The following CIMIP3 variants were observed in gnomAD, a reference collection of about 807,000 sequenced individuals.
CIMIP3 encodes GUCA1A neighbor.
chr6:42,158,426 C>T, the CIMIP3 span, among the ~76,000 whole-genome samples: 2 of 152,142 alleles, frequency 1.3e-5, no homozygotes, highest in South Asian at 2.1e-4. Context: ...CTGGATGTTC[C>T]GGGGACCCTG....
chr6:42,161,735 T>G, the CIMIP3 span, among the ~76,000 whole-genome samples: 10 of 152,244 alleles, frequency 6.6e-5, no homozygotes, highest in South Asian at 2.1e-3. Context: ...TAGAATGGGC[T>G]GGCTGGCTGG....
chr6:42,157,141 C>T, the CIMIP3 span, among the ~76,000 whole-genome samples: 6 of 152,202 alleles, frequency 3.9e-5, no homozygotes, highest in Non-Finnish European at 5.9e-5. Flanking sequence ...AAGGGACAAA[C>T]GCATATTAGT....
At chr6:42,155,677 C>A in the CIMIP3 span, 12 of 715,234 alleles carry the variant, frequency 1.7e-5, no homozygotes, top group Non-Finnish European at 3.1e-5. Context: ...CGGACCTCTG[C>A]GATCTCTCTG....
At chr6:42,155,528 A>G in the CIMIP3 span, 8 of 717,340 alleles carry the variant, frequency 1.1e-5, 1 homozygote, top group South Asian at 7.4e-5. Context: ...GCTCGGGGTC[A>G]CAAGAAGCCT....
chr6:42,163,404 C>G, the CIMIP3 span: 2 of 405,044 alleles, frequency 4.9e-6, no homozygotes, highest in Non-Finnish European at 8.7e-6. Context: ...AGGGAGGTCT[C>G]TCTTCTCAGC....
the CIMIP3 span, among the ~76,000 whole-genome samples, chr6:42,157,513 G>A: frequency 2.6e-5 from 4 of 151,312 alleles, no homozygotes; most frequent in Non-Finnish European, 5.9e-5. Flanking sequence ...GCCTCCCAAT[G>A]TGCTGGGATT....
At chr6:42,162,273 G>A in the CIMIP3 span, among the ~76,000 whole-genome samples, 2 of 150,736 alleles carry the variant, frequency 1.3e-5, no homozygotes, top group Non-Finnish European at 3.0e-5. Flanking sequence ...AATTAGCCGG[G>A]CGTGGTGGCG....
At chr6:42,155,523 G>A in the CIMIP3 span, 2 of 717,310 alleles carry the variant, frequency 2.8e-6, no homozygotes, top group South Asian at 1.5e-5. Context: ...GGTCAGCTCG[G>A]GGTCACAAGA....
the CIMIP3 span, chr6:42,163,263 G>A: frequency 8.1e-5 from 45 of 557,042 alleles, no homozygotes; most frequent in East Asian, 1.2e-4. Flanking sequence ...TGAGCCAAAC[G>A]GAAGCCCCCG....
At chr6:42,157,624 A>C in the CIMIP3 span, among the ~76,000 whole-genome samples, 1 of 151,482 alleles carries the variant, frequency 6.6e-6, no homozygotes, top group Middle Eastern at 3.2e-3. Flanking sequence ...TCTTGGCCTC[A>C]AGCAATCCTC....
the CIMIP3 span, chr6:42,155,595 T>C: frequency 2.8e-6 from 2 of 717,264 alleles, no homozygotes; most frequent in Non-Finnish European, 5.2e-6. Flanking sequence ...GGCTGGGAGG[T>C]AGGTCCTCTT....
chr6:42,162,084 C>A, the CIMIP3 span, among the ~76,000 whole-genome samples: 1 of 138,126 alleles, frequency 7.2e-6, no homozygotes, highest in African/African-American at 2.8e-5. Context: ...GAGTGGAAGC[C>A]ACATTCTTTT....
chr6:42,155,578 C>T, the CIMIP3 span: 150 of 717,510 alleles, frequency 2.1e-4, no homozygotes, highest in African/African-American at 2.2e-3. Flanking sequence ...GCCAGCCTCA[C>T]ATGTGCGGCT....
chr6:42,155,541 T>C, the CIMIP3 span: 1 of 717,426 alleles, frequency 1.4e-6, no homozygotes, highest in Non-Finnish European at 2.6e-6. Flanking sequence ...AGAAGCCTGA[T>C]GGGCAGGAAA....
chr6:42,159,342 C>G, the CIMIP3 span, among the ~76,000 whole-genome samples: 8 of 152,170 alleles, frequency 5.3e-5, no homozygotes, highest in African/African-American at 1.7e-4. Flanking sequence ...CCACAGGGAC[C>G]CTCTTGTGCT....
chr6:42,162,389 TG>T, the CIMIP3 span, among the ~76,000 whole-genome samples: 4 of 145,930 alleles, frequency 2.7e-5, no homozygotes, highest in East Asian at 2.1e-4. Flanking sequence ...TACTCCAGCC[TG>T]GGCAACAAGA....
chr6:42,162,521 C>T, the CIMIP3 span, among the ~76,000 whole-genome samples: 1 of 150,306 alleles, frequency 6.7e-6, no homozygotes, highest in Non-Finnish European at 1.5e-5. Flanking sequence ...GGAGGGGCCC[C>T]ACAGGATAGA....
chr6:42,159,733 C>A, the CIMIP3 span, among the ~76,000 whole-genome samples: 4 of 152,210 alleles, frequency 2.6e-5, no homozygotes, highest in Non-Finnish European at 5.9e-5. Flanking sequence ...AGGCCCCTGG[C>A]AGGCCCTGCT....
At chr6:42,162,867 T>C in the CIMIP3 span, 1 of 593,278 alleles carries the variant, frequency 1.7e-6, no homozygotes, top group Non-Finnish European at 3.1e-6. Context: ...GGCATAGCAG[T>C]TGAAGTCCCA....
Sources: allele counts gnomAD v4.1 joint callset (sites outside exome capture counted in the v4.1 genomes callset), GRCh38; gene constraint gnomAD v4.1.1; transcripts MANE v1.5; gene names NCBI Gene and HGNC (gene_info 2026-07-23, HGNC 2026-07-21).